ZFHX3: variants seen among roughly 807,000 people sequenced by gnomAD.
ZFHX3 encodes zinc finger homeobox 3, also known as zinc finger homeobox protein 3.
In ZFHX3, 42 loss-of-function variants were observed where a neutral mutation model predicts 279.1. The observed-to-expected ratio is 0.15, with a 90% CI of 0.12 to 0.19. The LOEUF is 0.19. ZFHX3 is among the 10% of genes least tolerant of loss of function. The pLI is 1.00. For synonymous variants in ZFHX3, 2,293 were observed against 1,957.8 expected (o/e 1.17, Z -4.52); for missense variants, 4,981 against 4,754.0 (o/e 1.05, Z -1.40).
intron 1 of ZFHX3, among the ~76,000 whole-genome samples, chr16:73,774,456 A>G (rs1459066048): frequency 6.6e-6 from 1 of 152,206 alleles, no homozygotes; most frequent in Non-Finnish European, 1.5e-5. Flanking sequence ...TGGGTGTCCC[A>G]GAGGTATCCA....
At chr16:73,513,031 A>C (rs2019459790) in intron 2 of ZFHX3, among the ~76,000 whole-genome samples, 1 of 152,230 alleles carries the variant, frequency 6.6e-6, no homozygotes, top group Non-Finnish European at 1.5e-5. Flanking sequence ...ATAGAATTCT[A>C]GAATAGCACA....
At chr16:73,154,699 G>T (rs1967029791) in intron 5 of ZFHX3, among the ~76,000 whole-genome samples, 2 of 152,080 alleles carry the variant, frequency 1.3e-5, no homozygotes, top group African/African-American at 4.8e-5. Flanking sequence ...ATAGAAATAT[G>T]TTCTGGGGAA....
chr16:73,816,480 CTG>C lies in ZFHX3; in HGVS notation c.-1608+75169_-1608+75170del, dbSNP rs1960574526. Among the ~76,000 whole-genome samples, 4 of 152,222 alleles carry C rather than the reference CTG, an allele frequency of 2.6e-5. No homozygotes were observed. In the South Asian group the frequency reaches 8.3e-4, roughly 31 times the overall value. On this transcript the variant is annotated intron_variant, in intron 1 of 17. Transcript: ENST00000641206. ...AGCCACTCATTCATTTATGTATCAT[CTG>C]TGGCTGCTTTCACTTTGCAATGGCA... is the stretch of plus-strand genomic sequence containing the variant.
At chr16:72,831,460 C>G (rs536451641) in intron 4 of ZFHX3, among the ~76,000 whole-genome samples, 1 of 152,276 alleles carries the variant, frequency 6.6e-6, no homozygotes, top group East Asian at 1.9e-4. Context: ...AAGTCAACAT[C>G]AAGTTTCCCT....
At chr16:73,161,261 A>C (rs1470714052) in intron 5 of ZFHX3, among the ~76,000 whole-genome samples, 1 of 152,092 alleles carries the variant, frequency 6.6e-6, no homozygotes, top group Non-Finnish European at 1.5e-5. Context: ...GGTGTGAGCC[A>C]CCGCCCTGCC....
intron 2 of ZFHX3, among the ~76,000 whole-genome samples, chr16:73,502,048 C>A (rs1402572868): frequency 6.6e-6 from 1 of 151,202 alleles, no homozygotes. Context: ...TTCTCTCCAC[C>A]AGGAGGTAAA....
chr16:73,044,597 T>C (rs1182038892), intron 1 of ZFHX3, among the ~76,000 whole-genome samples: 1 of 93,580 alleles, frequency 1.1e-5, no homozygotes, highest in Non-Finnish European at 2.1e-5. Flanking sequence ...TCTTAAAAGG[T>C]GAGTGTTTGT....
intron 5 of ZFHX3, among the ~76,000 whole-genome samples, chr16:72,819,801 AT>A (rs1246835190): frequency 2.0e-5 from 3 of 152,216 alleles, no homozygotes; most frequent in African/African-American, 7.2e-5. Flanking sequence ...TCTAAAACAA[AT>A]GCAGACACCT....
chr16:73,229,986 A>C (rs1597231742), intron 5 of ZFHX3, among the ~76,000 whole-genome samples: 1 of 152,226 alleles, frequency 6.6e-6, no homozygotes, highest in South Asian at 2.1e-4. Context: ...GAATGGATTA[A>C]TGAATAGATA....
Position 73,368,084 on chromosome 16 carries a change from T to C in ZFHX3, c.-1290-49748A>G, listed in dbSNP as rs1432693449. On this transcript the variant is annotated intron_variant, in intron 3 of 17. Coordinates refer to the ZFHX3 transcript ENST00000641206. ...CAGGGTTTCACCACGTTGGCCAGGC[T>C]GGTCTCAAACTCCTGACCTCAAGTG... Among the ~76,000 whole-genome samples the C allele has an allele frequency of 6.6e-5, 10 of 152,246 alleles. No individual in the cohort carries two copies. The South Asian group carries it at 2.1e-3, about 32-fold the overall frequency.
intron 1 of ZFHX3, chr16:73,058,426 G>C: frequency 5.5e-6 from 1 of 181,490 alleles, no homozygotes; most frequent in Non-Finnish European, 1.1e-5. Context: ...AGCAGCCCGG[G>C]CGCCCCGAGG....
intron 2 of ZFHX3, among the ~76,000 whole-genome samples, chr16:73,568,013 A>G (rs958842481): frequency 1.3e-5 from 2 of 152,190 alleles, no homozygotes; most frequent in African/African-American, 2.4e-5. Context: ...AAAAAGAAAG[A>G]GTCCTCAAAT....
At chr16:73,037,798 T>C (rs1964965280) in intron 1 of ZFHX3, among the ~76,000 whole-genome samples, 1 of 147,168 alleles carries the variant, frequency 6.8e-6, no homozygotes, top group South Asian at 2.3e-4. Flanking sequence ...CTGACCCCCA[T>C]GTCCCCCACC....
At chr16:73,141,265 A>AT (rs1459771782) in intron 6 of ZFHX3, among the ~76,000 whole-genome samples, 1 of 152,228 alleles carries the variant, frequency 6.6e-6, no homozygotes, top group African/African-American at 2.4e-5. Context: ...TTACTCTGAA[A>AT]TATACAATGT....
At chr16:73,523,991 C>T (rs2019650097) in intron 2 of ZFHX3, among the ~76,000 whole-genome samples, 1 of 152,116 alleles carries the variant, frequency 6.6e-6, no homozygotes. Flanking sequence ...TAAATAGTAG[C>T]CTTATTATTA....
At chr16:73,891,723 C>T (rs944208861) in exon 1 of ZFHX3, 5 of 142,156 alleles carry the variant, frequency 3.5e-5, no homozygotes, top group Non-Finnish European at 6.2e-5. Context: ...GAGAACCATC[C>T]TTCAGGGTTT....
At chr16:73,184,020 C>T (rs1278140043) in intron 5 of ZFHX3, among the ~76,000 whole-genome samples, 4 of 152,104 alleles carry the variant, frequency 2.6e-5, no homozygotes, top group Admixed American at 6.5e-5. Context: ...GGATGCGGAC[C>T]ATGTGTCTCT....
At chr16:72,845,923 G>A (rs906047901) in intron 4 of ZFHX3, among the ~76,000 whole-genome samples, 23 of 152,204 alleles carry the variant, frequency 1.5e-4, no homozygotes, top group African/African-American at 5.1e-4. Flanking sequence ...GACAGCTGAT[G>A]CCAAGGACCA....
At chr16:73,544,837 T>A (rs1596989988) in intron 2 of ZFHX3, among the ~76,000 whole-genome samples, 2 of 152,274 alleles carry the variant, frequency 1.3e-5, no homozygotes, top group East Asian at 3.9e-4. Context: ...ACATGACTTC[T>A]TGTTTTCCTC....
Sources: allele counts gnomAD v4.1 joint callset (sites outside exome capture counted in the v4.1 genomes callset), GRCh38; gene constraint gnomAD v4.1.1; transcripts MANE v1.5; gene names NCBI Gene and HGNC (gene_info 2026-07-23, HGNC 2026-07-21).